The following ANKFY1 variants were observed in gnomAD, a reference collection of about 807,000 sequenced individuals.
ANKFY1 encodes ankyrin repeat and FYVE domain-containing protein 1.
In ANKFY1, 47 loss-of-function variants were observed where a neutral mutation model predicts 128.3. That is an observed-to-expected ratio of 0.37 (90% CI 0.29 to 0.47). ANKFY1 has a LOEUF of 0.47. ANKFY1 is among the 20% of genes least tolerant of loss of function. The probability of loss-of-function intolerance (pLI) is 1.00; values close to 1 mark genes in which losing one functional copy is unlikely to be tolerated. For synonymous variants in ANKFY1, 553 were observed against 601.6 expected, an observed-to-expected ratio of 0.92 and a Z score of 1.18; for missense variants, 1,222 against 1,510.6, an observed-to-expected ratio of 0.81 and a Z score of 3.17.
chr17:4,222,325 C>G, intron 3 of ANKFY1: 1 of 740,000 alleles, frequency 1.4e-6, no homozygotes, highest in Non-Finnish European at 2.5e-6. Flanking sequence ...TGATGCAGAA[C>G]TTTATTATGT....
chr17:4,256,686 A>G (rs1444711151), intron 1 of ANKFY1, among the ~76,000 whole-genome samples: 39 of 152,230 alleles, frequency 2.6e-4, no homozygotes, highest in Admixed American at 2.6e-3. Flanking sequence ...AGCAACATGC[A>G]TGCTTATTTG....
intron 4 of ANKFY1, chr17:4,216,703 T>C (rs1441531234): frequency 4.8e-5 from 20 of 414,606 alleles, no homozygotes; most frequent in South Asian, 3.3e-4. Context: ...AGTTTGGACA[T>C]TGGATTATAT....
At chr17:4,260,151 G>T (rs532722168) in intron 1 of ANKFY1, among the ~76,000 whole-genome samples, 1 of 152,362 alleles carries the variant, frequency 6.6e-6, no homozygotes, top group East Asian at 1.9e-4. Context: ...AGAAGTGTGA[G>T]AGTTGGGCAT....
chr17:4,176,866 G>A (rs983479410), intron 19 of ANKFY1, among the ~76,000 whole-genome samples: 1 of 152,172 alleles, frequency 6.6e-6, no homozygotes, highest in Non-Finnish European at 1.5e-5. Context: ...CCACTTCCTC[G>A]GTGCTCCCAC....
intron 3 of ANKFY1, chr17:4,221,988 T>C (rs994142855): frequency 3.9e-5 from 6 of 152,098 alleles, no homozygotes; most frequent in African/African-American, 1.2e-4. Context: ...GCCAAGGAGG[T>C]GGCGGCGCGC....
chr17:4,166,065 G>GA lies in ANKFY1; in HGVS notation c.*1713dup, dbSNP rs1347011754. ...AAATATGTCAGACTGGGGGACGGGG[G>GA]ATCTCTTCTAATTCATTGTTTTTCT... On this transcript the variant is annotated 3_prime_UTR_variant, in exon 25 of 25. Transcript: ENST00000341657. 3.9e-5 allele frequency: 6 copies of GA among 152,284 alleles called. No individual in the cohort carries two copies. The highest frequency in any genetic ancestry group is 1.4e-4 in the African/African-American group (6 of 41,540). The allele number at this position is 152,284 out of a possible 1,614,324, so 9.4% of individuals were successfully genotyped here. A position where few individuals can be genotyped will look rare whatever the true frequency, so the allele number is the denominator to read the frequency against.
intron 2 of ANKFY1, among the ~76,000 whole-genome samples, chr17:4,240,117 T>C (rs543634796): frequency 3.3e-5 from 5 of 150,450 alleles, no homozygotes; most frequent in African/African-American, 1.2e-4. Flanking sequence ...CAGGCTGCCG[T>C]GCAGTGGCGC....
intron 10 of ANKFY1, 169 bp downstream of exon 10, chr17:4,194,809 G>A: frequency 1.5e-6 from 1 of 659,064 alleles, no homozygotes. Context: ...TGAAGCACAG[G>A]ATTTTTAAAA....
intron 21 of ANKFY1, 51 bp downstream of exon 21, chr17:4,173,303 C>T (rs1224468684): frequency 6.4e-7 from 1 of 1,572,792 alleles, no homozygotes; most frequent in Non-Finnish European, 8.7e-7. Flanking sequence ...ACCAGCAGCT[C>T]TGAGCAGCAG....
At chr17:4,223,744 G>A (rs2060369178) in intron 3 of ANKFY1, 2 of 1,577,642 alleles carry the variant, frequency 1.3e-6, no homozygotes, top group Admixed American at 3.4e-5. Context: ...CCTGTTGCTG[G>A]GCCTTAGATC....
At chr17:4,222,645 A>G (rs2060346185) in intron 3 of ANKFY1, 1 of 967,718 alleles carries the variant, frequency 1.0e-6, no homozygotes, top group African/African-American at 1.6e-5. Flanking sequence ...TAAATTTTAA[A>G]CCAAGGAAAA....
chr17:4,210,686 C>T (rs558057476), intron 4 of ANKFY1, among the ~76,000 whole-genome samples: 33 of 80,082 alleles, frequency 4.1e-4, no homozygotes, highest in Non-Finnish European at 5.5e-4. Flanking sequence ...CCGGCCTGGG[C>T]GACAAAGGCA....
chr17:4,206,301 A>G lies in ANKFY1; in HGVS notation c.898+20T>C. 6.3e-7 allele frequency: 1 copy of G among 1,599,756 alleles called. No individual in the cohort carries two copies. The highest frequency in any genetic ancestry group is 2.2e-5 in the East Asian group (1 of 44,460). On this transcript the variant is annotated intron_variant, in intron 7 of 24. Coordinates refer to ENST00000341657, the MANE Select transcript of ANKFY1 (RefSeq NM_001330063.2). The stretch of plus-strand genomic sequence containing the variant: ...TAAAAATAAAATTGCCTGCAGGGAA[A>G]CATACACACTTCTTCCTACCTCTTT...
rs558308037 is a variant in ANKFY1, at chr17:4,171,417, A to G, written c.3140-556T>C. Among the ~76,000 whole-genome samples, 42 of 152,294 alleles carry G rather than the reference A, an allele frequency of 2.8e-4. 1 individual carries two copies. Among genetic ancestry groups the G allele is most frequent in the African/African-American group, 9.6e-4 (40 of 41,560 alleles). On this transcript the variant is annotated intron_variant, in intron 22 of 24. Coordinates refer to ENST00000341657, the MANE Select transcript of ANKFY1 (RefSeq NM_001330063.2). ...GCCTTCCCTACGAACAATTACAGCT[A>G]ACTGTCGCTCCCTCTGCTTCCCTAT...
chr17:4,179,575 G>A (rs2059471964), intron 17 of ANKFY1, 146 bp downstream of exon 17: 2 of 1,064,400 alleles, frequency 1.9e-6, no homozygotes, highest in Non-Finnish European at 2.7e-6. Flanking sequence ...CAGTCAGCCT[G>A]AAATCATGAA....
chr17:4,231,158 A>G (rs909656415), intron 3 of ANKFY1, among the ~76,000 whole-genome samples: 5 of 152,194 alleles, frequency 3.3e-5, no homozygotes, highest in Non-Finnish European at 5.9e-5. Flanking sequence ...TTTGGGTCTG[A>G]TGTTTTCTCA....
chr17:4,173,221 A>G, intron 21 of ANKFY1, 133 bp downstream of exon 21: 1 of 731,422 alleles, frequency 1.4e-6, no homozygotes, highest in Non-Finnish European at 2.3e-6. Flanking sequence ...AAAATAAAGT[A>G]CCCGAAGCTG....
chr17:4,235,890 G>A lies in ANKFY1; in HGVS notation c.204C>T (p.Ser68=), dbSNP rs199621296. The A allele has an allele frequency of 1.1e-4, 174 of 1,603,338 alleles. No homozygotes were observed. The highest frequency in any genetic ancestry group is 1.7e-4 in the Middle Eastern group (1 of 6,052). The stretch of plus-strand genomic sequence containing the variant: ...TGTCCCCAACCTTTATCTTCAGATC[G>A]CTGATGAAGAAAAAGATCCACATAT... ...VADLYEQEQY[S]DLKIKVGDRH... The change falls in exon 3 of 25, where the codon AGC becomes AGT. Residue 68 remains serine, a splice_region_variant and synonymous_variant. Transcript: ENST00000341657.
chr17:4,237,479 C>A (rs1251216321), intron 2 of ANKFY1, among the ~76,000 whole-genome samples: 2 of 152,112 alleles, frequency 1.3e-5, no homozygotes, highest in East Asian at 3.8e-4. Flanking sequence ...AAGTTACCTA[C>A]AAAGTACAAA....
Sources: gnomAD v4.1 joint callset for allele counts (sites outside exome capture counted in the v4.1 genomes callset) on GRCh38, gnomAD v4.1.1 for gene constraint, MANE v1.5 for transcripts, NCBI Gene and HGNC (gene_info 2026-07-23, HGNC 2026-07-21) for gene names.